Variants in MINDY4 observed in about 807,000 individuals in gnomAD.
MINDY4 encodes the protein probable ubiquitin carboxyl-terminal hydrolase MINDY-4.
A neutral mutation model predicts 87.0 loss-of-function variants in MINDY4; 68 were observed. That is an observed-to-expected ratio of 0.78 (90% CI 0.64 to 0.96). The LOEUF (loss-of-function observed/expected upper bound fraction) is 0.96. Ranked by LOEUF, MINDY4 falls within the 40% of genes least tolerant of loss-of-function variation. The pLI is 0.00. For synonymous variants in MINDY4, 379 were observed against 363.2 expected, an observed-to-expected ratio of 1.04 and a Z score of -0.50; for missense variants, 919 against 928.2, an observed-to-expected ratio of 0.99 and a Z score of 0.13.
intron 5 of MINDY4, among the ~76,000 whole-genome samples, chr7:30,799,015 G>A (rs7790537): frequency 0.61 from 92,276 of 151,918 alleles, 29,947 homozygotes; most frequent in African/African-American, 0.85. Flanking sequence ...AGTTAGTAGG[G>A]TTGCTCACAG....
At chr7:30,877,896 T>C (rs1584350218) in intron 15 of MINDY4, among the ~76,000 whole-genome samples, 1 of 137,252 alleles carries the variant, frequency 7.3e-6, no homozygotes, top group South Asian at 2.5e-4. Flanking sequence ...GCCAGGCTGG[T>C]CTTGAACTCC....
In MINDY4 at chr7:30,840,780, G is replaced by C. The variant is rs765896796; in HGVS notation, c.1377G>C (p.Leu459=). 1.9e-6 allele frequency: 3 copies of C among 1,614,120 alleles called. No homozygotes were observed. The Admixed American group carries it at 5.0e-5, about 27-fold the overall frequency. ...VQNKGGPCGV[L]AAVQGCVLQK... ...TGCAGGGTGGTCCTTGCGGAGTCCT[G>C]GCAGCTGTCCAAGGCTGTGTCCTAC... is the stretch of plus-strand genomic sequence containing the variant. The change falls in exon 9 of 18, where the codon CTG becomes CTC. Residue 459 remains leucine, a synonymous_variant. Coordinates refer to ENST00000265299, the MANE Select transcript of MINDY4 (RefSeq NM_032222.3).
chr7:30,873,500 A>G (rs1224855426), intron 14 of MINDY4, among the ~76,000 whole-genome samples: 1 of 152,190 alleles, frequency 6.6e-6, no homozygotes, highest in Admixed American at 6.5e-5. Flanking sequence ...CTTTGAATGA[A>G]TCCCCTAGGG....
intron 16 of MINDY4, 62 bp from the exon 17 acceptor site, chr7:30,882,859 C>T: frequency 1.3e-6 from 2 of 1,533,430 alleles, no homozygotes; most frequent in Non-Finnish European, 1.8e-6. Flanking sequence ...GTGGTCAGCG[C>T]TGACCTCAGG....
intron 4 of MINDY4, among the ~76,000 whole-genome samples, chr7:30,788,912 G>A (rs115423443): frequency 5.4e-4 from 82 of 152,248 alleles, no homozygotes; most frequent in African/African-American, 1.9e-3. Flanking sequence ...GACATTCCTC[G>A]GTGAAGTCAG....
chr7:30,835,812 G>C (rs1258575323), intron 6 of MINDY4, among the ~76,000 whole-genome samples: 1 of 152,216 alleles, frequency 6.6e-6, no homozygotes, highest in East Asian at 1.9e-4. Context: ...TTTCTCCCTG[G>C]GTCCTTTATC....
In MINDY4 at chr7:30,852,270, C is replaced by G. The variant is rs759534986; in HGVS notation, c.1602C>G (p.Val534=). The part of the protein sequence containing the change: ...SPTGKYKADG[V]LETLTLHSLT... ...CAGGGAAATACAAAGCAGATGGAGT[C>G]TTAGAAACAGTACGACTTTCTGGAA... Residue 534 remains valine, a synonymous_variant, in exon 11 of 18, where the codon GTC becomes GTG. Transcript: ENST00000265299. The G allele has an allele frequency of 6.2e-7, 1 of 1,614,148 alleles. No homozygotes were observed. Among genetic ancestry groups the G allele is most frequent in the South Asian group, 1.1e-5 (1 of 91,070 alleles).
intron 1 of MINDY4, among the ~76,000 whole-genome samples, chr7:30,773,862 C>T (rs770585010): frequency 2.6e-5 from 4 of 152,186 alleles, no homozygotes; most frequent in African/African-American, 4.8e-5. Flanking sequence ...CACAGTCCCT[C>T]GGGCCTACCA....
intron 14 of MINDY4, among the ~76,000 whole-genome samples, chr7:30,873,025 G>T (rs10233521): frequency 0.012 from 1,797 of 152,324 alleles, 31 homozygotes; most frequent in African/African-American, 0.04. Context: ...GGACAGAGCT[G>T]CACATCTTCT....
intron 5 of MINDY4, among the ~76,000 whole-genome samples, chr7:30,802,880 C>CAAAA (rs1311427498): frequency 6.6e-6 from 1 of 151,938 alleles, no homozygotes; most frequent in Non-Finnish European, 1.5e-5. Flanking sequence ...ACCAACCATC[C>CAAAA]AACCATCCAT....
chr7:30,852,502 G>C (rs1789443286), intron 11 of MINDY4, among the ~76,000 whole-genome samples: 1 of 151,940 alleles, frequency 6.6e-6, no homozygotes, highest in South Asian at 2.1e-4. Context: ...CTGGCTTCCT[G>C]TCCCATCGAG....
At chr7:30,846,696 C>A (rs1310165589) in intron 9 of MINDY4, among the ~76,000 whole-genome samples, 3 of 152,036 alleles carry the variant, frequency 2.0e-5, no homozygotes, top group Admixed American at 2.0e-4. Flanking sequence ...TGGGTTAAAT[C>A]CACGGTCCCC....
chr7:30,860,751 G>GT (rs1491227547), intron 13 of MINDY4, among the ~76,000 whole-genome samples: 1 of 152,118 alleles, frequency 6.6e-6, no homozygotes, highest in Non-Finnish European at 1.5e-5. Flanking sequence ...TCTGAAAGGG[G>GT]CTTCAGGGTT....
intron 12 of MINDY4, among the ~76,000 whole-genome samples, chr7:30,855,075 C>A (rs1789530788): frequency 6.6e-6 from 1 of 152,252 alleles, no homozygotes; most frequent in Admixed American, 6.5e-5. Flanking sequence ...AGGCCAACTG[C>A]TGATGCGGTG....
chr7:30,851,818 G>C (rs1238951982), intron 10 of MINDY4, among the ~76,000 whole-genome samples: 1 of 152,196 alleles, frequency 6.6e-6, no homozygotes. Flanking sequence ...GCACACCCAG[G>C]GGGAGCCTCG....
intron 15 of MINDY4, among the ~76,000 whole-genome samples, 164 bp from the exon 16 acceptor site, chr7:30,882,017 A>G (rs1476155410): frequency 1.3e-5 from 2 of 152,162 alleles, no homozygotes; most frequent in Admixed American, 1.3e-4. Context: ...GCCCTGGGAA[A>G]CAGCCCAGTG....
At chr7:30,798,433 G>A (rs958337201) in intron 5 of MINDY4, among the ~76,000 whole-genome samples, 1 of 152,120 alleles carries the variant, frequency 6.6e-6, no homozygotes, top group Non-Finnish European at 1.5e-5. Context: ...AATGAAGACT[G>A]TGGGAGAAGC....
chr7:30,872,053 G>C (rs1790121242), intron 13 of MINDY4, among the ~76,000 whole-genome samples, 190 bp from the exon 14 acceptor site: 1 of 152,136 alleles, frequency 6.6e-6, no homozygotes, highest in African/African-American at 2.4e-5. Flanking sequence ...TAGGAGGCCT[G>C]GGCTCTAGCC....
At chr7:30,774,301 T>TA (rs1786737590) in intron 1 of MINDY4, among the ~76,000 whole-genome samples, 1 of 152,172 alleles carries the variant, frequency 6.6e-6, no homozygotes, top group Non-Finnish European at 1.5e-5. Context: ...TTCACTCTGC[T>TA]CTCTTTAGTG....
Sources: gnomAD v4.1 joint callset for allele counts (sites outside exome capture counted in the v4.1 genomes callset) on GRCh38, gnomAD v4.1.1 for gene constraint, MANE v1.5 for transcripts, NCBI Gene and HGNC (gene_info 2026-07-23, HGNC 2026-07-21) for gene names.